TBC1D2B: variants seen among roughly 807,000 people sequenced by gnomAD.
TBC1D2B encodes the protein TBC1 domain family member 2B.
TBC1D2B carries 64 observed loss-of-function variants against 100.8 expected under a neutral mutation model. The observed-to-expected ratio is 0.64, with a 90% confidence interval of 0.52 to 0.78. The LOEUF is 0.78. TBC1D2B is among the 30% of genes least tolerant of loss of function. The pLI is 0.00. For missense variants in TBC1D2B, 1,052 were observed against 1,218.4 expected, an observed-to-expected ratio of 0.86 and a Z score of 2.03; for synonymous variants, 480 against 479.7, an observed-to-expected ratio of 1.00 and a Z score of -0.01.
intron 3 of TBC1D2B, among the ~76,000 whole-genome samples, chr15:78,039,292 G>C (rs895633966): frequency 6.6e-6 from 1 of 152,154 alleles, no homozygotes; most frequent in African/African-American, 2.4e-5. Context: ...CCTCTGCTAC[G>C]AACTGGGGCT....
At chr15:78,010,251 T>C (rs1404143507) in intron 9 of TBC1D2B, among the ~76,000 whole-genome samples, 1 of 152,102 alleles carries the variant, frequency 6.6e-6, no homozygotes, top group Non-Finnish European at 1.5e-5. Context: ...TGCTTTGTTG[T>C]TCATAACGGA....
In TBC1D2B at chr15:78,000,219, G is replaced by C. The variant is rs566090956; in HGVS notation, c.2696+1400C>G. 6.7e-4 allele frequency among the ~76,000 whole-genome samples: 102 copies of C among 152,370 alleles called. 1 individual carries two copies. Among genetic ancestry groups the C allele is most frequent in the Middle Eastern group, 3.4e-3 (1 of 294 alleles). On this transcript the variant is annotated intron_variant, in intron 12 of 12. Transcript: ENST00000300584. ...GGGAGACCGTACCGCGAGCCACTCA[G>C]AAGGAGGCGCTGCAGGACCATGCAA...
At chr15:78,029,619 G>A (rs905269439) in intron 4 of TBC1D2B, among the ~76,000 whole-genome samples, 3 of 152,174 alleles carry the variant, frequency 2.0e-5, no homozygotes, top group South Asian at 2.1e-4. Flanking sequence ...GCTTAGAGAC[G>A]GAGAAGGAAG....
chr15:78,063,019 T>C (rs1011000359), intron 1 of TBC1D2B, among the ~76,000 whole-genome samples: 4 of 152,170 alleles, frequency 2.6e-5, no homozygotes, highest in South Asian at 2.1e-4. Flanking sequence ...ACCTACTTCA[T>C]GGTATTGAAA....
intron 1 of TBC1D2B, among the ~76,000 whole-genome samples, chr15:78,064,158 T>C (rs2073608220): frequency 6.6e-6 from 1 of 152,164 alleles, no homozygotes; most frequent in Non-Finnish European, 1.5e-5. Context: ...AACACCTCCC[T>C]AACAAATTCC....
intron 2 of TBC1D2B, 171 bp downstream of exon 2, chr15:78,053,863 C>T: frequency 1.4e-6 from 1 of 728,982 alleles, no homozygotes; most frequent in Non-Finnish European, 2.2e-6. Flanking sequence ...ACTGGGCTTG[C>T]ATAAGCTTTG....
At chr15:78,035,023 G>A (rs1421577478) in intron 3 of TBC1D2B, among the ~76,000 whole-genome samples, 2 of 152,046 alleles carry the variant, frequency 1.3e-5, no homozygotes, top group African/African-American at 4.8e-5. Context: ...GCTGTTCTAT[G>A]ACAGTATTTG....
At chr15:78,062,436 G>A (rs977468434) in intron 1 of TBC1D2B, among the ~76,000 whole-genome samples, 1 of 152,158 alleles carries the variant, frequency 6.6e-6, no homozygotes, top group Admixed American at 6.5e-5. Context: ...TGTTTGTCTG[G>A]TGAGATCCCA....
At chr15:78,026,215 T>C (rs1461900476) in intron 4 of TBC1D2B, among the ~76,000 whole-genome samples, 1 of 152,068 alleles carries the variant, frequency 6.6e-6, no homozygotes, top group African/African-American at 2.4e-5. Flanking sequence ...GTTTATGTGT[T>C]AGAAATTTAA....
chr15:78,000,098 T>C (rs563230106), intron 12 of TBC1D2B, among the ~76,000 whole-genome samples: 6 of 152,346 alleles, frequency 3.9e-5, no homozygotes, highest in Non-Finnish European at 7.3e-5. Context: ...TTATGGGCCC[T>C]TGCAGTCTTG....
At chr15:78,050,607 T>C (rs1488406725) in intron 2 of TBC1D2B, among the ~76,000 whole-genome samples, 1 of 152,248 alleles carries the variant, frequency 6.6e-6, no homozygotes, top group East Asian at 1.9e-4. Context: ...TGTATCTTTA[T>C]GCAAATTACT....
chr15:78,010,191 C>T (rs368091825), intron 9 of TBC1D2B, among the ~76,000 whole-genome samples: 4 of 152,256 alleles, frequency 2.6e-5, no homozygotes, highest in African/African-American at 9.6e-5. Flanking sequence ...GAGCTAACAG[C>T]GCTGTGCCCA....
At chr15:78,029,951 G>A (rs2141714850) in intron 4 of TBC1D2B, 56 bp downstream of exon 4, 2 of 1,443,044 alleles carry the variant, frequency 1.4e-6, no homozygotes, top group African/African-American at 1.4e-5. Flanking sequence ...CCACATCACT[G>A]GTGGTTAACA....
chr15:78,053,401 T>C (rs1377222059), intron 2 of TBC1D2B, among the ~76,000 whole-genome samples: 2 of 152,314 alleles, frequency 1.3e-5, no homozygotes, highest in Middle Eastern at 3.4e-3. Context: ...GATGTGTTAT[T>C]TTCCCTGTAT....
At chr15:78,031,625 A>C (rs574389802) in intron 3 of TBC1D2B, among the ~76,000 whole-genome samples, 1 of 150,848 alleles carries the variant, frequency 6.6e-6, no homozygotes, top group East Asian at 2.0e-4. Context: ...AATGCAGTGG[A>C]AATATGACAA....
intron 1 of TBC1D2B, among the ~76,000 whole-genome samples, chr15:78,057,995 T>C (rs1423712259): frequency 6.6e-6 from 1 of 152,186 alleles, no homozygotes; most frequent in Non-Finnish European, 1.5e-5. Flanking sequence ...TCCCAGGAAA[T>C]TGGTTCAGAT....
chr15:78,005,503 G>A (rs1330915811), intron 10 of TBC1D2B, among the ~76,000 whole-genome samples: 1 of 152,170 alleles, frequency 6.6e-6, no homozygotes, highest in Non-Finnish European at 1.5e-5. Flanking sequence ...GCCACCTTAC[G>A]CAATGGCCAT....
At chr15:78,026,888 C>A (rs529799587) in intron 4 of TBC1D2B, among the ~76,000 whole-genome samples, 1 of 144,014 alleles carries the variant, frequency 6.9e-6, no homozygotes, top group African/African-American at 2.6e-5. Context: ...GCAACAAGAG[C>A]GAATCTCCAT....
intron 10 of TBC1D2B, among the ~76,000 whole-genome samples, chr15:78,008,660 C>CA (rs1327083190): frequency 6.6e-6 from 1 of 152,264 alleles, no homozygotes; most frequent in Non-Finnish European, 1.5e-5. Flanking sequence ...TGAGCTAACA[C>CA]ACCAGTCACC....
Sources: allele counts gnomAD v4.1 joint callset (sites outside exome capture counted in the v4.1 genomes callset), GRCh38; gene constraint gnomAD v4.1.1; transcripts MANE v1.5; gene names NCBI Gene and HGNC (gene_info 2026-07-23, HGNC 2026-07-21).